ZFHX3: variants seen among roughly 807,000 people sequenced by gnomAD.
ZFHX3 encodes the protein zinc finger homeobox 3.
A neutral mutation model predicts 279.1 loss-of-function variants in ZFHX3; 42 were observed. The ratio of observed to expected loss-of-function variants is 0.15; its 90% CI spans 0.12 to 0.19. The LOEUF is 0.19. Among genes scored for constraint, ZFHX3 ranks in the 10% least tolerant of loss-of-function variants. The probability of loss-of-function intolerance (pLI) is 1.00; values close to 1 mark genes in which losing one functional copy is unlikely to be tolerated. For synonymous variants in ZFHX3, 2,293 were observed against 1,957.8 expected (o/e 1.17, Z -4.52); for missense variants, 4,981 against 4,754.0 (o/e 1.05, Z -1.40).
intron 5 of ZFHX3, among the ~76,000 whole-genome samples, chr16:72,826,439 C>T (rs2036930851): frequency 1.3e-5 from 2 of 152,132 alleles, no homozygotes; most frequent in African/African-American, 4.8e-5. Context: ...GAAGCATTCC[C>T]CGTCACATGT....
At position 73,127,293 on chromosome 16, in the gene ZFHX3, A is replaced by G. The variant is rs1442220928; in HGVS notation, c.-897+3675T>C. 4 of 1,265,512 alleles carry G rather than the reference A, an allele frequency of 3.2e-6. No homozygotes were observed. The African/African-American group carries it at 6.2e-5, about 20-fold the overall frequency. 78.4% of individuals were successfully genotyped at this position (1,265,512 alleles called of 1,614,324 possible). ...ATGTGGAGGAAACTGACAGGCAGAG[A>G]AGAGGGAAGAAGGAAACAGCCTTCG... On this transcript the variant is annotated intron_variant, in intron 7 of 17. Coordinates refer to the ZFHX3 transcript ENST00000641206.
chr16:72,837,306 C>A (rs7193704), intron 4 of ZFHX3, among the ~76,000 whole-genome samples: 10,134 of 152,228 alleles, frequency 0.067, 1,152 homozygotes, highest in African/African-American at 0.23. Context: ...CTTACCAAAA[C>A]AAAGTGGCCA....
intron 1 of ZFHX3, among the ~76,000 whole-genome samples, chr16:73,725,561 G>GTC (rs963036554): frequency 6.6e-6 from 1 of 152,056 alleles, no homozygotes; most frequent in Non-Finnish European, 1.5e-5. Context: ...GTGTGTGTGT[G>GTC]TGTGTGTAGG....
rs73603552 is a variant in ZFHX3, at chr16:73,855,439, C to T, written c.-1608+36212G>A. ...CTTCCCTGAGCCACAAACAGCAAGGCTGTAGCAGGTGGGCAGCCCCCAGAG... is the reference window on the plus strand; with the variant it reads ...CTTCCCTGAGCCACAAACAGCAAGGTTGTAGCAGGTGGGCAGCCCCCAGAG... On this transcript the variant is annotated intron_variant, in intron 1 of 17. Transcript: ENST00000641206. Among the ~76,000 whole-genome samples the T allele has an allele frequency of 6.5e-3, 987 of 152,256 alleles. 14 individuals are homozygous for T. The highest frequency in any genetic ancestry group is 0.023 in the African/African-American group (955 of 41,536).
chr16:73,236,597 T>TA (rs199847563), intron 5 of ZFHX3, among the ~76,000 whole-genome samples: 18 of 148,860 alleles, frequency 1.2e-4, no homozygotes, highest in South Asian at 6.4e-4. Context: ...GACTCCACCT[T>TA]AAAAAAAAAA....
In ZFHX3 at chr16:72,794,858, G is replaced by A; in HGVS notation, c.7824C>T (p.Thr2608=). ...ASSATSPSTP[T]STMNTLKRKL... ...TCCTCTTGAGAGTGTTCATTGTGGA[G>A]GTTGGAGTTGAAGGAGAAGTGGCTG... Residue 2608 remains threonine (T), a synonymous_variant, in exon 9 of 10, where the codon ACC becomes ACT. Transcript: ENST00000268489. This position sits in a 1 kb window ranked among gnomAD's most constrained non-coding sequence, Gnocchi z 4.2. The A allele has an allele frequency of 6.2e-7, 1 of 1,614,034 alleles. No individual in the cohort carries two copies. The highest frequency in any genetic ancestry group is 8.5e-7 in the Non-Finnish European group (1 of 1,180,048).
At position 72,959,258 on chromosome 16, in the gene ZFHX3, C is replaced by T. The variant is rs377655061; in HGVS notation, c.888G>A (p.Ser296=). ...LCKLSFGYVR[S]FVTHAVHDHR... ...GGTCATGCACCGCGTGGGTCACAAA[C>T]GAACGGACGTACCCAAAGGAGAGTT... Residue 296 remains serine, a synonymous_variant, in exon 2 of 10, where the codon TCG becomes TCA. Coordinates refer to ENST00000268489, the MANE Select transcript of ZFHX3 (RefSeq NM_006885.4). The T allele has an allele frequency of 7.4e-6, 12 of 1,614,176 alleles. No individual in the cohort carries two copies. Among genetic ancestry groups the T allele is most frequent in the South Asian group, 5.5e-5 (5 of 91,086 alleles).
At chr16:73,671,897 T>C (rs1347633406) in intron 2 of ZFHX3, among the ~76,000 whole-genome samples, 1 of 152,144 alleles carries the variant, frequency 6.6e-6, no homozygotes, top group Non-Finnish European at 1.5e-5. Context: ...TCTCTCATTA[T>C]ACATATAGAA....
chr16:73,161,999 G>A (rs570504647), intron 5 of ZFHX3, among the ~76,000 whole-genome samples: 107 of 152,324 alleles, frequency 7.0e-4, no homozygotes, highest in African/African-American at 2.5e-3. Flanking sequence ...AATGATACAA[G>A]CTACAGGCAA....
At chr16:73,044,870 C>T (rs1965235962) in intron 1 of ZFHX3, among the ~76,000 whole-genome samples, 1 of 152,198 alleles carries the variant, frequency 6.6e-6, no homozygotes, top group South Asian at 2.1e-4. Flanking sequence ...ATCTGCCTGC[C>T]TCAGCCTCCC....
chr16:72,842,802 T>C (rs1160369983), intron 4 of ZFHX3, among the ~76,000 whole-genome samples: 4 of 152,044 alleles, frequency 2.6e-5, no homozygotes, highest in Non-Finnish European at 4.4e-5. Flanking sequence ...AGAACTTTGC[T>C]GAAAGGTTAA....
chr16:73,063,166 C>G (rs1369512585), upstream of ZFHX3, among the ~76,000 whole-genome samples: 4 of 152,328 alleles, frequency 2.6e-5, no homozygotes, highest in Non-Finnish European at 5.9e-5. Context: ...GGCGCCGCCA[C>G]CGGCGGCCTC....
rs433913 is a variant in ZFHX3, at chr16:73,798,274, G to A, written c.-1608+93377C>T. Among the ~76,000 whole-genome samples the A allele has an allele frequency of 2.5e-3, 373 of 152,088 alleles. 1 individual carries two copies. Among genetic ancestry groups the A allele is most frequent in the African/African-American group, 8.4e-3 (349 of 41,472 alleles). ...TCTGCTGGCATCAGAATTCCTCTGG[G>A]GGTGGGGAGGCGGAATTCTCTTTTT... is the stretch of plus-strand genomic sequence containing the variant. On this transcript the variant is annotated intron_variant, in intron 1 of 17. Transcript: ENST00000641206.
intron 2 of ZFHX3, among the ~76,000 whole-genome samples, chr16:73,527,212 A>G (rs1409394489): frequency 6.6e-6 from 1 of 152,144 alleles, no homozygotes; most frequent in African/African-American, 2.4e-5. Context: ...ATCAACGTCT[A>G]TTCAAAAGAG....
At chr16:73,801,364 T>A (rs1960141110) in intron 1 of ZFHX3, among the ~76,000 whole-genome samples, 1 of 152,136 alleles carries the variant, frequency 6.6e-6, no homozygotes. Context: ...TGAAACAATA[T>A]AATCCTCCTT....
intron 3 of ZFHX3, among the ~76,000 whole-genome samples, chr16:73,374,373 C>A: frequency 6.3e-5 from 2 of 31,834 alleles, no homozygotes; most frequent in South Asian, 9.4e-4. Flanking sequence ...CAAGGCCAGG[C>A]TTGGTCATTG....
intron 3 of ZFHX3, among the ~76,000 whole-genome samples, chr16:73,336,685 C>T (rs139753506): frequency 5.9e-5 from 9 of 151,936 alleles, no homozygotes; most frequent in Non-Finnish European, 8.8e-5. Context: ...TGAATAGTTC[C>T]GCGATGAATA....
intron 2 of ZFHX3, among the ~76,000 whole-genome samples, chr16:73,523,598 A>G (rs1473923299): frequency 1.4e-5 from 2 of 147,382 alleles, no homozygotes; most frequent in African/African-American, 2.5e-5. Flanking sequence ...TGCTGGGGGT[A>G]GGGGGCAGGG....
At chr16:73,398,756 G>C (rs2052578) in intron 3 of ZFHX3, among the ~76,000 whole-genome samples, 123,432 of 152,212 alleles carry the variant, frequency 0.81, 50,276 homozygotes, top group Non-Finnish European at 0.85. Context: ...ATTTGTAGTA[G>C]ATGATGGCAT....
Sources: allele counts gnomAD v4.1 joint callset (sites outside exome capture counted in the v4.1 genomes callset), GRCh38; gene constraint gnomAD v4.1.1; non-coding constraint Gnocchi (gnomAD v3.1); transcripts MANE v1.5; gene names NCBI Gene and HGNC (gene_info 2026-07-23, HGNC 2026-07-21).